The following SMARCAD1 variants were observed in gnomAD, a reference collection of about 807,000 sequenced individuals.
SMARCAD1 encodes the protein SNF2 related chromatin remodeling ATPase with DExD box 1, also known as SWI/SNF-related matrix-associated actin-dependent regulator of chromatin subfamily A containing DEAD/H box 1.
Under a neutral mutation model 127.1 loss-of-function variants are expected in SMARCAD1, and 25 were observed. That is an observed-to-expected ratio of 0.20 (90% confidence interval 0.14 to 0.27). SMARCAD1 has a LOEUF of 0.27. Among genes scored for constraint, SMARCAD1 ranks in the 10% least tolerant of loss-of-function variants. SMARCAD1 has a pLI of 1.00. For synonymous variants in SMARCAD1, 400 were observed against 396.9 expected, an observed-to-expected ratio of 1.01 and a Z score of -0.09; for missense variants, 807 against 1,206.0, an observed-to-expected ratio of 0.67 and a Z score of 4.90.
Position 94,240,929 on chromosome 4 carries a change from T to C in SMARCAD1, c.628T>C (p.Leu210=). 1 of 1,613,512 alleles carries C rather than the reference T, an allele frequency of 6.2e-7. No individual in the cohort carries two copies. ...DAGGGPRKRK[L]SSSSEPYEED... is the part of the protein sequence containing the mutation. ...AGGTGGTGGGCCCAGGAAAAGAAAA[T>C]TATCTTCTTCTTCAGAGCCATATGA... Residue 210 remains leucine (L), a synonymous_variant, in exon 6 of 24, where the codon TTA becomes CTA. Transcript: ENST00000354268.
intron 19 of SMARCAD1, 133 bp downstream of exon 19, chr4:94,279,183 A>T: frequency 8.5e-7 from 1 of 1,173,338 alleles, no homozygotes. Flanking sequence ...TTTTCAGACC[A>T]GGTCTGGTTC....
chr4:94,273,998 TGACTAAGA>T (rs1215475929), intron 12 of SMARCAD1, among the ~76,000 whole-genome samples: 1 of 152,236 alleles, frequency 6.6e-6, no homozygotes, highest in Non-Finnish European at 1.5e-5. Context: ...CTTTTAAAAG[TGACTAAGA>T]GAAAATGAGT....
chr4:94,280,889 C>A (rs1243245088), intron 20 of SMARCAD1, 109 bp downstream of exon 20: 66 of 1,007,688 alleles, frequency 6.5e-5, no homozygotes, highest in Non-Finnish European at 9.0e-5. Context: ...GTTCTGCATT[C>A]TTCCAGAACT....
At chr4:94,264,979 G>T in intron 10 of SMARCAD1, 73 bp downstream of exon 10, 2 of 1,456,186 alleles carry the variant, frequency 1.4e-6, no homozygotes, top group Non-Finnish European at 9.4e-7. Flanking sequence ...TTTCTGTATC[G>T]TGCCTAGAAA....
In SMARCAD1 at chr4:94,212,936, GC is replaced by G. The variant is rs930358807; in HGVS notation, c.190+4357del. On this transcript the variant is annotated intron_variant, in intron 2 of 23. Transcript: ENST00000354268. ...ATTTGAGGGCATACACTTAACCTCT[GC>G]CCCCTGATTTATTTTACTCTTCTCG... The G allele has an allele frequency of 5.6e-6, 3 of 534,794 alleles. No individual in the cohort carries two copies. In the African/African-American group the frequency reaches 5.9e-5, roughly 11 times the overall value. The allele number at this position is 534,794 out of a possible 1,614,324, so 33.1% of individuals were successfully genotyped here. A position where few individuals can be genotyped will look rare whatever the true frequency, so the allele number is the denominator to read the frequency against.
chr4:94,245,813 T>C (rs1340448178), intron 6 of SMARCAD1, among the ~76,000 whole-genome samples: 1 of 152,226 alleles, frequency 6.6e-6, no homozygotes, highest in African/African-American at 2.4e-5. Context: ...ACAGTTTTTC[T>C]CCTAAAGGCT....
chr4:94,289,363 A>T (rs1755401827), intron 23 of SMARCAD1, 110 bp from the exon 24 acceptor site: 9 of 952,750 alleles, frequency 9.4e-6, no homozygotes, highest in Non-Finnish European at 1.3e-5. Flanking sequence ...GAAGCAAACT[A>T]GCCCTTGAAA....
chr4:94,228,817 T>C (rs1183324616), intron 3 of SMARCAD1, among the ~76,000 whole-genome samples: 2 of 152,162 alleles, frequency 1.3e-5, no homozygotes, highest in Admixed American at 6.5e-5. Flanking sequence ...GTTTGTCATA[T>C]CTCTTTAAAC....
At chr4:94,212,968 C>T in intron 2 of SMARCAD1, 1 of 810,470 alleles carries the variant, frequency 1.2e-6, no homozygotes. Context: ...TCTCGGTGCC[C>T]AAAGTTGTCA....
intron 21 of SMARCAD1, among the ~76,000 whole-genome samples, chr4:94,282,548 G>T (rs1162603132): frequency 6.6e-6 from 1 of 151,920 alleles, no homozygotes; most frequent in Non-Finnish European, 1.5e-5. Flanking sequence ...ATTCCCAAAG[G>T]TTGTAAAGAT....
chr4:94,209,083 G>A (rs1348052607), intron 2 of SMARCAD1, among the ~76,000 whole-genome samples: 3 of 152,214 alleles, frequency 2.0e-5, no homozygotes, highest in Non-Finnish European at 4.4e-5. Flanking sequence ...GAATGCAAAT[G>A]AGTAATTGGT....
rs961050401 is a variant in SMARCAD1 at position 94,208,510 on chromosome 4, G to T, written c.116G>T (p.Ser39Ile). 3 of 1,614,066 alleles carry T rather than the reference G, an allele frequency of 1.9e-6. No individual in the cohort carries two copies. Among genetic ancestry groups the T allele is most frequent in the Non-Finnish European group, 2.5e-6 (3 of 1,180,012 alleles). The change falls in exon 2 of 24, where the codon AGT (serine) becomes ATT (isoleucine). Residue 39 changes from serine to isoleucine, a missense_variant. By Grantham distance (142) the Ser-to-Ile change is moderately radical. Transcript: ENST00000354268. ...QPGPSSPISL[S>I]AEEENAEGEV... ...GGCCCTTCTTCACCAATTTCTCTTA[G>T]TGCTGAAGAGGAGAATGCTGAAGGG...
At chr4:94,263,356 T>C (rs893448953) in intron 9 of SMARCAD1, among the ~76,000 whole-genome samples, 2 of 152,120 alleles carry the variant, frequency 1.3e-5, no homozygotes, top group African/African-American at 2.4e-5. Flanking sequence ...CTGATTGTTA[T>C]CTATACTGCT....
intron 19 of SMARCAD1, 59 bp from the exon 20 acceptor site, chr4:94,280,533 C>A: frequency 7.2e-7 from 1 of 1,391,292 alleles, no homozygotes; most frequent in Non-Finnish European, 1.0e-6. Flanking sequence ...TTAAACTTTT[C>A]TCATCATATT....
chr4:94,238,020 T>C (rs1361573866), intron 5 of SMARCAD1, among the ~76,000 whole-genome samples: 2 of 152,168 alleles, frequency 1.3e-5, no homozygotes. Flanking sequence ...AAGTGGATTC[T>C]TACTACTATT....
chr4:94,224,449 A>G (rs1744684449), intron 2 of SMARCAD1, among the ~76,000 whole-genome samples: 1 of 152,174 alleles, frequency 6.6e-6, no homozygotes, highest in Non-Finnish European at 1.5e-5. Flanking sequence ...CAAGTCTAAA[A>G]CCCAGCTGAT....
chr4:94,247,359 G>A (rs1220345748), intron 6 of SMARCAD1, among the ~76,000 whole-genome samples: 1 of 152,106 alleles, frequency 6.6e-6, no homozygotes, highest in African/African-American at 2.4e-5. Flanking sequence ...AAGTGTCTGT[G>A]TAACCTCCTG....
chr4:94,256,786 CTATA>C (rs1370545237), intron 9 of SMARCAD1, among the ~76,000 whole-genome samples: 1 of 151,930 alleles, frequency 6.6e-6, no homozygotes, highest in African/African-American at 2.4e-5. Context: ...TGTAAGATTA[CTATA>C]TATTCAGGCT....
intron 19 of SMARCAD1, 110 bp from the exon 20 acceptor site, chr4:94,280,482 G>C: frequency 3.1e-6 from 3 of 963,118 alleles, no homozygotes; most frequent in African/African-American, 1.7e-5. Context: ...ACACTAAAAG[G>C]TTCTATGATT....
Sources: gnomAD v4.1 joint callset for allele counts (sites outside exome capture counted in the v4.1 genomes callset) on GRCh38, gnomAD v4.1.1 for gene constraint, MANE v1.5 for transcripts, NCBI Gene and HGNC (gene_info 2026-07-23, HGNC 2026-07-21) for gene names.